The following MYOM1 variants were observed in gnomAD, a reference collection of about 807,000 sequenced individuals.
MYOM1 encodes myomesin-1.
In MYOM1, 164 loss-of-function variants were observed where a neutral mutation model predicts 205.3. The observed-to-expected ratio is 0.80, with a 90% CI of 0.70 to 0.91. MYOM1 has a LOEUF of 0.91. MYOM1 is among the 40% of genes least tolerant of loss of function. The pLI is 0.00. For missense variants in MYOM1, 2,011 were observed against 2,127.3 expected, an observed-to-expected ratio of 0.95 and a Z score of 1.08; for synonymous variants, 772 against 789.4, an observed-to-expected ratio of 0.98 and a Z score of 0.37.
At chr18:3,081,452 G>A (rs570778398) in intron 33 of MYOM1, among the ~76,000 whole-genome samples, 62 of 152,200 alleles carry the variant, frequency 4.1e-4, no homozygotes, top group African/African-American at 1.0e-3. Context: ...ATAGGTACAC[G>A]GAAACACAAG....
At chr18:3,150,204 C>T (rs1005092507) in intron 12 of MYOM1, among the ~76,000 whole-genome samples, 3 of 152,084 alleles carry the variant, frequency 2.0e-5, no homozygotes, top group South Asian at 2.1e-4. Flanking sequence ...GGATTACAGG[C>T]GCCCGCCACC....
At chr18:3,083,427 CTTTTT>C (rs35959808) in intron 33 of MYOM1, among the ~76,000 whole-genome samples, 10 of 98,524 alleles carry the variant, frequency 1.0e-4, no homozygotes, top group African/African-American at 3.8e-4. Flanking sequence ...TTTTCTTTTT[CTTTTT>C]TTTTTTTTTT....
At chr18:3,215,559 A>C (rs1158465215) in intron 1 of MYOM1, among the ~76,000 whole-genome samples, 1 of 152,064 alleles carries the variant, frequency 6.6e-6, no homozygotes, top group African/African-American at 2.4e-5. Context: ...GCTATGATTG[A>C]CCATTGCACT....
At position 3,075,477 on chromosome 18, in the gene MYOM1, CTG is replaced by C. The variant is rs2079010557; in HGVS notation, c.4686-3_4686-2del. On this transcript the variant is annotated splice_acceptor_variant and splice_polypyrimidine_tract_variant and intron_variant, in intron 35 of 37. Coordinates refer to ENST00000356443, the MANE Select transcript of MYOM1 (RefSeq NM_003803.4). LOFTEE classifies it high-confidence loss of function. ...ACTTTTCTCGGCAATGGCAGCTTGT[CTG>C]TGGTTGAGAGAAACGAACAAACAGA... 25 of 1,601,512 alleles carry C rather than the reference CTG, an allele frequency of 1.6e-5. No homozygotes were observed. Among genetic ancestry groups the C allele is most frequent in the Non-Finnish European group, 2.1e-5 (25 of 1,176,350 alleles).
intron 2 of MYOM1, among the ~76,000 whole-genome samples, chr18:3,206,997 G>T (rs1176846232): frequency 1.3e-5 from 2 of 150,346 alleles, no homozygotes; most frequent in Middle Eastern, 3.5e-3. Context: ...CTCACTTTCA[G>T]TTTTTTTTAA....
chr18:3,170,987 TATTGGTCCAA>T (rs2080548840), intron 8 of MYOM1, among the ~76,000 whole-genome samples: 1 of 152,212 alleles, frequency 6.6e-6, no homozygotes, highest in African/African-American at 2.4e-5. Flanking sequence ...TTTGACCAAG[TATTGGTCCAA>T]GCATTTAATA....
At position 3,135,780 on chromosome 18, in the gene MYOM1, GA is replaced by G; in HGVS notation, c.2026-51del. The G allele has an allele frequency of 6.2e-7, 1 of 1,601,172 alleles. No homozygotes were observed. Among genetic ancestry groups the G allele is most frequent in the Non-Finnish European group, 8.5e-7 (1 of 1,171,430 alleles). On this transcript the variant is annotated intron_variant, in intron 14 of 37. Transcript: ENST00000356443. This position sits in a 1 kb window ranked among gnomAD's most constrained non-coding sequence, Gnocchi z 4.1. Reference sequence around the variant, plus strand: ...TTGAAAGCACAGCAAACACAAGCGAGAATCCAGGCCAGGCAACTCCAAGTTT... The same window carrying G: ...TTGAAAGCACAGCAAACACAAGCGAGATCCAGGCCAGGCAACTCCAAGTTT...
upstream of MYOM1, among the ~76,000 whole-genome samples, chr18:3,221,409 A>G (rs182723360): frequency 4.9e-4 from 74 of 152,322 alleles, 2 homozygotes; most frequent in East Asian, 0.014. Context: ...TTGAGGACCT[A>G]TCCAGTGCCA....
At chr18:3,182,873 G>T (rs1233576677) in intron 5 of MYOM1, among the ~76,000 whole-genome samples, 1 of 151,272 alleles carries the variant, frequency 6.6e-6, no homozygotes, top group Non-Finnish European at 1.5e-5. Context: ...CTTCACGGTA[G>T]GGGTGCAGCA....
chr18:3,114,139 TGTAATAAAAATAGA>T (rs2079568684), intron 21 of MYOM1, among the ~76,000 whole-genome samples: 2 of 152,206 alleles, frequency 1.3e-5, no homozygotes, highest in South Asian at 4.1e-4. Flanking sequence ...AACATTTCCG[TGTAATAAAAATAGA>T]GTAATCGCCA....
the MYOM1 span, among the ~76,000 whole-genome samples, chr18:3,244,114 G>C: frequency 1.5e-4 from 23 of 152,160 alleles, no homozygotes; most frequent in Non-Finnish European, 1.5e-4. Context: ...CCTGTGCATA[G>C]TAGGATGTTT....
rs138006937 is a variant in MYOM1 at position 3,151,352 on chromosome 18, T to C, written c.1843+342A>G. Reference sequence around the variant, plus strand: ...GAATGTATAATAACAGGAATAAAAATGCTCTCCAGCCTCTTTGCTTTTATA... The same window carrying C: ...GAATGTATAATAACAGGAATAAAAACGCTCTCCAGCCTCTTTGCTTTTATA... On this transcript the variant is annotated intron_variant, in intron 12 of 37. Coordinates refer to ENST00000356443, the MANE Select transcript of MYOM1 (RefSeq NM_003803.4). 9.3e-3 allele frequency among the ~76,000 whole-genome samples: 1,406 copies of C among 151,934 alleles called. 18 individuals are homozygous for C. The highest frequency in any genetic ancestry group is 0.032 in the African/African-American group (1,318 of 41,470).
chr18:3,123,159 C>T (rs2079722334), intron 19 of MYOM1, among the ~76,000 whole-genome samples: 1 of 152,076 alleles, frequency 6.6e-6, no homozygotes, highest in East Asian at 1.9e-4. Flanking sequence ...GTGCTAAAGT[C>T]ACTATGCAGA....
Position 3,155,418 on chromosome 18 carries a change from G to A in MYOM1, c.1502-330C>T, listed in dbSNP as rs557453451. ...TTTTTGTATTTTTGGTAGAGATGGG[G>A]TTTCACCGTGTTAGCCAGGATGGTC... On this transcript the variant is annotated intron_variant, in intron 10 of 37. Transcript: ENST00000356443. Among the ~76,000 whole-genome samples the A allele has an allele frequency of 4.6e-5, 7 of 152,288 alleles. No individual in the cohort carries two copies. The East Asian group carries it at 5.8e-4, about 13-fold the overall frequency.
intron 10 of MYOM1, among the ~76,000 whole-genome samples, chr18:3,158,586 A>G (rs1020863625): frequency 2.0e-4 from 31 of 152,170 alleles, no homozygotes; most frequent in Non-Finnish European, 1.5e-5. Flanking sequence ...TCAATATGAT[A>G]GGAAAAACAA....
At chr18:3,174,537 C>T (rs913939806) in intron 6 of MYOM1, among the ~76,000 whole-genome samples, 1 of 152,026 alleles carries the variant, frequency 6.6e-6, no homozygotes, top group Admixed American at 6.5e-5. Flanking sequence ...GAGTGAACAG[C>T]ATTGTGATCC....
intron 5 of MYOM1, among the ~76,000 whole-genome samples, chr18:3,180,165 C>G (rs189194529): frequency 5.2e-4 from 79 of 152,244 alleles, no homozygotes; most frequent in African/African-American, 1.8e-3. Flanking sequence ...AAATAAAAAA[C>G]TATTTTGCAG....
At position 3,100,369 on chromosome 18, in the gene MYOM1, A is replaced by G. The variant is rs746960536; in HGVS notation, c.3633T>C (p.Asp1211=). The G allele has an allele frequency of 3.7e-5, 60 of 1,613,894 alleles. No homozygotes were observed. The highest frequency in any genetic ancestry group is 5.1e-5 in the Non-Finnish European group (60 of 1,179,880). ...ATGCTATTCCATCAGTGTCTGTTAC[A>G]TCGCAAGAGTAAATACCCAAGTCAT... ...GMDDLGIYSC[D]VTDTDGIASS... The change falls in exon 24 of 38, where the codon GAT becomes GAC. Residue 1211 remains aspartate, a synonymous_variant. Transcript: ENST00000356443.
At chr18:3,178,516 G>C (rs2080682833) in intron 5 of MYOM1, among the ~76,000 whole-genome samples, 2 of 152,200 alleles carry the variant, frequency 1.3e-5, no homozygotes, top group Non-Finnish European at 2.9e-5. Context: ...GAAAGGGAGA[G>C]GAAGGAAGAA....
Sources: gnomAD v4.1 joint callset for allele counts (sites outside exome capture counted in the v4.1 genomes callset) on GRCh38, gnomAD v4.1.1 for gene constraint, Gnocchi (gnomAD v3.1) non-coding constraint, MANE v1.5 for transcripts, NCBI Gene and HGNC (gene_info 2026-07-23, HGNC 2026-07-21) for gene names.